Variants in MAGI2 observed in about 807,000 individuals in gnomAD.
MAGI2 encodes the protein membrane associated guanylate kinase, WW and PDZ domain containing 2, also known as membrane-associated guanylate kinase, WW and PDZ domain-containing protein 2.
A neutral mutation model predicts 133.3 loss-of-function variants in MAGI2; 35 were observed. That is an observed-to-expected ratio of 0.26 (90% confidence interval 0.20 to 0.35). The LOEUF is 0.35. Among genes scored for constraint, MAGI2 ranks in the 10% least tolerant of loss-of-function variants. The pLI is 1.00. For synonymous variants in MAGI2, 729 were observed against 710.6 expected, an observed-to-expected ratio of 1.03 and a Z score of -0.41; for missense variants, 1,636 against 1,863.4, an observed-to-expected ratio of 0.88 and a Z score of 2.25.
At chr7:78,094,056 C>T (rs966516025) in intron 20 of MAGI2, among the ~76,000 whole-genome samples, 1 of 152,078 alleles carries the variant, frequency 6.6e-6, no homozygotes, top group Non-Finnish European at 1.5e-5. Flanking sequence ...GAGAACTGAT[C>T]AATCAATAAA....
intron 3 of MAGI2, among the ~76,000 whole-genome samples, chr7:78,563,839 C>A (rs957744889): frequency 6.6e-6 from 1 of 152,106 alleles, no homozygotes; most frequent in African/African-American, 2.4e-5. Flanking sequence ...TACGCACTAA[C>A]GTTATCAAAA....
chr7:79,135,989 A>C (rs1213462039), intron 1 of MAGI2, among the ~76,000 whole-genome samples: 1 of 47,874 alleles, frequency 2.1e-5, no homozygotes, highest in African/African-American at 4.6e-5. Context: ...GAAAGAAAGA[A>C]AGAAAGAAAG....
At chr7:79,355,062 C>T (rs1176598862) in intron 1 of MAGI2, among the ~76,000 whole-genome samples, 1 of 152,206 alleles carries the variant, frequency 6.6e-6, no homozygotes, top group Non-Finnish European at 1.5e-5. Flanking sequence ...CCCAAAGCAG[C>T]CTGGCCTTCA....
At chr7:78,765,598 CG>C (rs1371397600) in intron 2 of MAGI2, among the ~76,000 whole-genome samples, 1 of 151,906 alleles carries the variant, frequency 6.6e-6, no homozygotes, top group Non-Finnish European at 1.5e-5. Context: ...CTGCCCACCT[CG>C]GCCTCTCAAA....
intron 4 of MAGI2, among the ~76,000 whole-genome samples, chr7:78,515,965 T>G (rs1207211996): frequency 6.6e-6 from 1 of 152,124 alleles, no homozygotes; most frequent in African/African-American, 2.4e-5. Flanking sequence ...GACATGCACA[T>G]TATGAAAAGT....
intron 1 of MAGI2, among the ~76,000 whole-genome samples, chr7:79,031,633 T>G (rs1391266524): frequency 6.6e-6 from 1 of 152,168 alleles, no homozygotes; most frequent in Non-Finnish European, 1.5e-5. Context: ...TTGTTGATAT[T>G]TTGAGATAAT....
chr7:78,594,000 G>C (rs953617617), intron 3 of MAGI2, among the ~76,000 whole-genome samples: 2 of 152,114 alleles, frequency 1.3e-5, no homozygotes, highest in East Asian at 3.9e-4. Context: ...TTACAGTGAG[G>C]GGGTATTGAG....
intron 6 of MAGI2, among the ~76,000 whole-genome samples, chr7:78,432,624 G>A (rs1799909029): frequency 6.6e-6 from 1 of 151,858 alleles, no homozygotes; most frequent in Non-Finnish European, 1.5e-5. Context: ...ATCACCTCTG[G>A]TACAACTACT....
chr7:78,394,858 GCA>G (rs1021414982), intron 6 of MAGI2, among the ~76,000 whole-genome samples: 1 of 152,178 alleles, frequency 6.6e-6, no homozygotes, highest in African/African-American at 2.4e-5. Context: ...AATGGAAAGA[GCA>G]CACATGACTT....
chr7:79,437,605 A>T (rs1848236655), intron 1 of MAGI2, among the ~76,000 whole-genome samples: 1 of 152,122 alleles, frequency 6.6e-6, no homozygotes, highest in African/African-American at 2.4e-5. Flanking sequence ...TAGAGAAAAG[A>T]TTGTTTCAAA....
chr7:78,029,412 C>G (rs183164226), intron 21 of MAGI2, among the ~76,000 whole-genome samples: 2 of 152,320 alleles, frequency 1.3e-5, no homozygotes, highest in East Asian at 3.9e-4. Context: ...TTCTTCCCCT[C>G]AAATATTTAA....
chr7:78,596,644 C>G (rs1187182504), intron 3 of MAGI2, among the ~76,000 whole-genome samples: 1 of 152,102 alleles, frequency 6.6e-6, no homozygotes, highest in African/African-American at 2.4e-5. Context: ...TTTTGATTCT[C>G]AACTGCTTTA....
intron 1 of MAGI2, among the ~76,000 whole-genome samples, chr7:79,074,730 CA>C (rs1815311004): frequency 6.6e-6 from 1 of 152,148 alleles, no homozygotes; most frequent in Non-Finnish European, 1.5e-5. Flanking sequence ...CTGATCAATA[CA>C]TGTTGTCGGA....
chr7:78,941,497 G>A (rs1047132726), intron 2 of MAGI2, among the ~76,000 whole-genome samples: 1 of 151,948 alleles, frequency 6.6e-6, no homozygotes, highest in Non-Finnish European at 1.5e-5. Context: ...TCACAGGCCT[G>A]ACTAATTTTT....
intron 20 of MAGI2, among the ~76,000 whole-genome samples, chr7:78,123,127 C>G (rs918974611): frequency 6.6e-6 from 1 of 152,134 alleles, no homozygotes; most frequent in Non-Finnish European, 1.5e-5. Flanking sequence ...AATGATATAT[C>G]TCTTTTTATT....
chr7:79,433,922 A>C (rs1327794644), intron 1 of MAGI2, among the ~76,000 whole-genome samples: 1 of 152,222 alleles, frequency 6.6e-6, no homozygotes, highest in Non-Finnish European at 1.5e-5. Context: ...CCTTGATGGA[A>C]TAAACTTATT....
chr7:79,221,139 G>A (rs1256474502), intron 1 of MAGI2, among the ~76,000 whole-genome samples: 1 of 151,932 alleles, frequency 6.6e-6, no homozygotes, highest in Non-Finnish European at 1.5e-5. Context: ...AATATGAAGA[G>A]ACACAAAATA....
intron 2 of MAGI2, among the ~76,000 whole-genome samples, chr7:78,656,229 C>T (rs571924698): frequency 6.6e-6 from 1 of 152,234 alleles, no homozygotes; most frequent in South Asian, 2.1e-4. Flanking sequence ...GAATTCTGGA[C>T]CTCTGTGTCT....
At chr7:78,201,850 A>G (rs1829285193) in intron 10 of MAGI2, among the ~76,000 whole-genome samples, 2 of 152,210 alleles carry the variant, frequency 1.3e-5, no homozygotes, top group Non-Finnish European at 2.9e-5. Context: ...CAATGTATTG[A>G]TCTCTTTGTA....
Sources: allele counts gnomAD v4.1 joint callset (sites outside exome capture counted in the v4.1 genomes callset), GRCh38; gene constraint gnomAD v4.1.1; transcripts MANE v1.5; gene names NCBI Gene and HGNC (gene_info 2026-07-23, HGNC 2026-07-21).